Variants in DRAM1 observed in about 807,000 individuals in gnomAD.
DRAM1 encodes the protein DNA damage-regulated autophagy modulator protein 1.
DRAM1 carries 25 observed loss-of-function variants against 28.5 expected under a neutral mutation model. The ratio of observed to expected loss-of-function variants is 0.88; its 90% CI spans 0.64 to 1.23. The LOEUF (loss-of-function observed/expected upper bound fraction) is 1.23, where lower values mean the gene tolerates loss of function less well. DRAM1 is among the 50% of genes most tolerant of loss of function. DRAM1 has a pLI of 0.00. For missense variants in DRAM1, 249 were observed against 299.2 expected (o/e 0.83, Z 1.24); for synonymous variants, 113 against 114.2 (o/e 0.99, Z 0.07).
chr12:101,913,458 C>A (rs1428229994), intron 4 of DRAM1, among the ~76,000 whole-genome samples: 2 of 152,030 alleles, frequency 1.3e-5, no homozygotes, highest in Non-Finnish European at 2.9e-5. Context: ...GTAATCCCAG[C>A]ACTTTGGGAG....
intron 5 of DRAM1, among the ~76,000 whole-genome samples, chr12:101,916,371 G>T (rs886436800): frequency 5.3e-5 from 8 of 152,324 alleles, no homozygotes; most frequent in African/African-American, 1.9e-4. Flanking sequence ...AGACGTTGTG[G>T]CATGCGCCTG....
intron 3 of DRAM1, among the ~76,000 whole-genome samples, chr12:101,904,999 T>C (rs1873750649): frequency 6.6e-6 from 1 of 152,156 alleles, no homozygotes; most frequent in Admixed American, 6.5e-5. Context: ...GACTAAGCCT[T>C]GAACTCCTCC....
intron 3 of DRAM1, among the ~76,000 whole-genome samples, chr12:101,904,731 G>A (rs554506737): frequency 2.0e-5 from 3 of 152,038 alleles, no homozygotes; most frequent in African/African-American, 4.8e-5. Context: ...GTGAGCCACC[G>A]CGCCTGGCTG....
At chr12:101,908,672 GGA>G (rs1873917184) in intron 4 of DRAM1, among the ~76,000 whole-genome samples, 1 of 119,762 alleles carries the variant, frequency 8.3e-6, no homozygotes, top group Non-Finnish European at 1.9e-5. Context: ...GAAGGGTGGA[GGA>G]GGAGGAGGAA....
intron 1 of DRAM1, among the ~76,000 whole-genome samples, chr12:101,891,076 AC>A (rs1360126825): frequency 6.6e-6 from 1 of 152,170 alleles, no homozygotes; most frequent in Non-Finnish European, 1.5e-5. Flanking sequence ...AACAGTCATC[AC>A]CAAGTGAAGC....
chr12:101,899,533 G>T (rs548316386), intron 2 of DRAM1, among the ~76,000 whole-genome samples: 51 of 152,056 alleles, frequency 3.4e-4, no homozygotes, highest in African/African-American at 1.2e-3. Context: ...AAAGAAGTTA[G>T]CTGGGTGTGG....
At chr12:101,917,524 T>TA (rs201758425) in intron 5 of DRAM1, among the ~76,000 whole-genome samples, 6,593 of 145,650 alleles carry the variant, frequency 0.045, 386 homozygotes, top group East Asian at 0.25. Flanking sequence ...CTGTCTGTAC[T>TA]AAAAAAAAAA....
intron 1 of DRAM1, 92 bp from the exon 2 acceptor site, chr12:101,897,771 A>G: frequency 1.1e-6 from 1 of 877,220 alleles, no homozygotes; most frequent in Non-Finnish European, 1.8e-6. Flanking sequence ...CACCTAAAAG[A>G]AACAGAATAT....
chr12:101,917,616 T>C (rs772725372), intron 5 of DRAM1, among the ~76,000 whole-genome samples: 10 of 150,196 alleles, frequency 6.7e-5, no homozygotes, highest in Non-Finnish European at 1.0e-4. Flanking sequence ...TACCCAGGAG[T>C]TGGAGAGCTG....
chr12:101,911,777 C>T (rs1874048975), intron 4 of DRAM1, among the ~76,000 whole-genome samples: 1 of 150,376 alleles, frequency 6.6e-6, no homozygotes, highest in East Asian at 2.0e-4. Context: ...GAAATGATAT[C>T]ATCAGCAATA....
chr12:101,913,231 T>A (rs1240403094), intron 4 of DRAM1, among the ~76,000 whole-genome samples: 1 of 152,134 alleles, frequency 6.6e-6, no homozygotes, highest in Non-Finnish European at 1.5e-5. Context: ...AAGTCTGATA[T>A]GGGGCGAATC....
intron 4 of DRAM1, among the ~76,000 whole-genome samples, chr12:101,910,713 A>C (rs1874010869): frequency 6.6e-6 from 1 of 151,850 alleles, no homozygotes; most frequent in Non-Finnish European, 1.5e-5. Context: ...TCCTGAACTC[A>C]GGTGATCCAC....
rs1299304640 is a variant in DRAM1 at position 101,878,474 on chromosome 12, GC to G, written c.131+559del. Among the ~76,000 whole-genome samples the G allele has an allele frequency of 5.9e-5, 9 of 152,320 alleles. No individual in the cohort carries two copies. The East Asian group carries it at 1.7e-3, about 29-fold the overall frequency. On this transcript the variant is annotated intron_variant, in intron 1 of 6. Transcript: ENST00000258534. Reference sequence around the variant, plus strand: ...GCCATGCAGAAAGCAACACTGTGCTGCCCCCAGGTCTCTGGGAGTCTGGCTT... The same window carrying G: ...GCCATGCAGAAAGCAACACTGTGCTGCCCCAGGTCTCTGGGAGTCTGGCTT...
chr12:101,901,463 G>A, intron 3 of DRAM1, 30 bp downstream of exon 3: 1 of 1,610,754 alleles, frequency 6.2e-7, no homozygotes. Flanking sequence ...CAGTTATGAG[G>A]AGTGGTGGAG....
chr12:101,910,694 G>T (rs968062240), intron 4 of DRAM1, among the ~76,000 whole-genome samples: 1 of 151,728 alleles, frequency 6.6e-6, no homozygotes, highest in South Asian at 2.1e-4. Flanking sequence ...GGCCAGGCTG[G>T]TGTCAAACTC....
chr12:101,894,426 A>G (rs909287100), intron 1 of DRAM1, among the ~76,000 whole-genome samples: 11 of 151,850 alleles, frequency 7.2e-5, no homozygotes, highest in African/African-American at 2.7e-4. Flanking sequence ...CAATTTTTGT[A>G]TTTTTTGTAG....
Position 101,909,939 on chromosome 12 carries a change from G to T in DRAM1, c.520+1576G>T, listed in dbSNP as rs561082204. ...CTAATGTCAGATTGTAGGAAAATCG[G>T]AACTATGTTATCGGCGGCAATTTTG... On this transcript the variant is annotated intron_variant, in intron 4 of 6. Coordinates refer to ENST00000258534, the MANE Select transcript of DRAM1 (RefSeq NM_018370.3). Among the ~76,000 whole-genome samples, 6 of 152,300 alleles carry T rather than the reference G, an allele frequency of 3.9e-5. No homozygotes were observed. The East Asian group carries it at 1.2e-3, about 29-fold the overall frequency.
In DRAM1 at chr12:101,888,786, A is replaced by AT. The variant is rs34825466; in HGVS notation, c.132-9047dup. Among the ~76,000 whole-genome samples the AT allele has an allele frequency of 6.9e-3, 748 of 107,894 alleles. 51 individuals carry two copies. The highest frequency in any genetic ancestry group is 9.2e-3 in the Non-Finnish European group (525 of 56,774). 70.8% of individuals were successfully genotyped at this position (107,894 alleles called of 152,430 possible). A position where few individuals can be genotyped will look rare whatever the true frequency, so the allele number is the denominator to read the frequency against. ...GGGCTGATGACTTTCAAACATCTCA[A>AT]TTTTTTTTTTTTTTTTTTTTTTTTT... On this transcript the variant is annotated intron_variant, in intron 1 of 6. Transcript: ENST00000258534.
chr12:101,877,706 C>T lies in DRAM1; in HGVS notation c.-84C>T, dbSNP rs924277323. 2 of 1,148,180 alleles carry T rather than the reference C, an allele frequency of 1.7e-6. No individual in the cohort carries two copies. The highest frequency in any genetic ancestry group is 1.6e-5 in the African/African-American group (1 of 61,362). 71.1% of individuals were successfully genotyped at this position (1,148,180 alleles called of 1,614,324 possible). On this transcript the variant is annotated 5_prime_UTR_variant, in exon 1 of 7. Coordinates refer to ENST00000258534, the MANE Select transcript of DRAM1 (RefSeq NM_018370.3). This position sits in a 1 kb window ranked among gnomAD's most constrained non-coding sequence, Gnocchi z 4.1. ...CCCACCGTCCGTGAGTGTACGCGCC[C>T]GGCCGCCGCCTCCAGGCAGCCCGGA...
Sources: allele counts gnomAD v4.1 joint callset (sites outside exome capture counted in the v4.1 genomes callset), GRCh38; gene constraint gnomAD v4.1.1; non-coding constraint Gnocchi (gnomAD v3.1); transcripts MANE v1.5; gene names NCBI Gene and HGNC (gene_info 2026-07-23, HGNC 2026-07-21).